TRPM3: variants seen among roughly 807,000 people sequenced by gnomAD.
TRPM3 encodes the protein long transient receptor potential channel 3.
Under a neutral mutation model 181.2 loss-of-function variants are expected in TRPM3, and 77 were observed. The observed-to-expected ratio is 0.42, with a 90% CI of 0.35 to 0.51. TRPM3 has a LOEUF of 0.51. Among genes scored for constraint, TRPM3 ranks in the 20% least tolerant of loss-of-function variants. The pLI, the probability that TRPM3 is intolerant of heterozygous loss-of-function variation, is 0.01. For missense variants in TRPM3, 1,759 were observed against 2,196.7 expected (o/e 0.80, Z 3.98); for synonymous variants, 745 against 796.4 (o/e 0.94, Z 1.09).
upstream of TRPM3, among the ~76,000 whole-genome samples, chr9:71,125,654 C>T (rs1322989611): frequency 2.0e-5 from 3 of 152,132 alleles, no homozygotes; most frequent in South Asian, 4.1e-4. Flanking sequence ...CTGCAATGAA[C>T]ATAGGTGTAC....
At chr9:70,763,133 G>A (rs554877495) in intron 7 of TRPM3, among the ~76,000 whole-genome samples, 1 of 152,126 alleles carries the variant, frequency 6.6e-6, no homozygotes, top group East Asian at 1.9e-4. Context: ...CTATACCAAC[G>A]ATCCTGGAAG....
chr9:71,443,918 TACC>T (rs1165690269), intron 1 of TRPM3, among the ~76,000 whole-genome samples: 1 of 152,136 alleles, frequency 6.6e-6, no homozygotes. Context: ...CGGTGGCTCA[TACC>T]TGTAATCCCA....
In TRPM3 at chr9:70,864,458, G is replaced by A. The variant is rs1414876899; in HGVS notation, c.231C>T (p.Ile77=). The A allele has an allele frequency of 6.8e-7, 1 of 1,478,882 alleles. No homozygotes were observed. The highest frequency in any genetic ancestry group is 2.5e-5 in the Admixed American group (1 of 39,808). The allele number at this position is 1,478,882 out of a possible 1,614,324, so 91.6% of individuals were successfully genotyped here. A position where few individuals can be genotyped will look rare whatever the true frequency, so the allele number is the denominator to read the frequency against. The change falls in exon 2 of 26, where the codon ATC becomes ATT. Residue 77 remains isoleucine, a synonymous_variant. Coordinates refer to ENST00000677713, the MANE Select transcript of TRPM3 (RefSeq NM_001366145.2). The part of the protein sequence containing the change: ...RAFYKRECVH[I]IPSTKDPHRC... ...TATGGGGGTCTTTGGTGCTGGGTATGATGTGGACACATTCTCTTTTATAAA... is the reference window on the plus strand; with the variant it reads ...TATGGGGGTCTTTGGTGCTGGGTATAATGTGGACACATTCTCTTTTATAAA...
At chr9:70,777,992 G>GACAC (rs71367226) in intron 7 of TRPM3, among the ~76,000 whole-genome samples, 44 of 135,284 alleles carry the variant, frequency 3.3e-4, no homozygotes, top group African/African-American at 7.4e-4. Context: ...AACAGACACA[G>GACAC]ACACACACAC....
chr9:71,073,970 G>T (rs2063112180), intron 1 of TRPM3, among the ~76,000 whole-genome samples: 1 of 152,088 alleles, frequency 6.6e-6, no homozygotes, highest in Non-Finnish European at 1.5e-5. Flanking sequence ...TTCATTGCTG[G>T]ATTTTTTTCT....
chr9:70,976,088 T>A (rs1314940306), intron 1 of TRPM3, among the ~76,000 whole-genome samples: 2 of 152,170 alleles, frequency 1.3e-5, no homozygotes, highest in Non-Finnish European at 2.9e-5. Flanking sequence ...AATCACTTAG[T>A]GCAAATGAGT....
chr9:71,358,777 T>C (rs909194900), intron 1 of TRPM3, among the ~76,000 whole-genome samples: 5 of 152,162 alleles, frequency 3.3e-5, no homozygotes, highest in Non-Finnish European at 7.3e-5. Context: ...AAGCACTTGA[T>C]CACGGTGAAG....
intron 1 of TRPM3, among the ~76,000 whole-genome samples, chr9:70,892,201 T>G (rs745971075): frequency 2.0e-4 from 30 of 152,314 alleles, no homozygotes; most frequent in South Asian, 6.2e-4. Context: ...AATTAATTAT[T>G]CATGGAGTAA....
At chr9:70,948,018 A>G (rs910432099) in intron 1 of TRPM3, among the ~76,000 whole-genome samples, 1 of 152,162 alleles carries the variant, frequency 6.6e-6, no homozygotes, top group African/African-American at 2.4e-5. Context: ...GTGCACAGGA[A>G]TACCACATAA....
intron 8 of TRPM3, among the ~76,000 whole-genome samples, chr9:70,748,462 T>C (rs1174929423): frequency 6.6e-6 from 1 of 152,136 alleles, no homozygotes; most frequent in Non-Finnish European, 1.5e-5. Context: ...TGTCAACTGG[T>C]GGATATGTGA....
intron 1 of TRPM3, among the ~76,000 whole-genome samples, chr9:71,375,430 A>G (rs966758422): frequency 6.6e-6 from 1 of 152,228 alleles, no homozygotes; most frequent in African/African-American, 2.4e-5. Context: ...CCTAGAAGAA[A>G]ATCGAGGCAA....
rs1248657816 is a variant in TRPM3 at position 70,619,105 on chromosome 9, A to G, written c.2130-10T>C. On this transcript the variant is annotated splice_polypyrimidine_tract_variant and intron_variant, in intron 16 of 25. Transcript: ENST00000677713. ...CAGCTGGCCAAAGTCTCTGAAAGACAGAATGGGTGGAAGAGTCCTTCAGGT... is the reference window on the plus strand; with the variant it reads ...CAGCTGGCCAAAGTCTCTGAAAGACGGAATGGGTGGAAGAGTCCTTCAGGT... The G allele has an allele frequency of 6.2e-7, 1 of 1,609,728 alleles. No homozygotes were observed. Among genetic ancestry groups the G allele is most frequent in the South Asian group, 1.1e-5 (1 of 90,300 alleles).
rs67870195 is a variant in TRPM3, at chr9:71,237,060, A to AGG, written c.183+209591_183+209592dup. 1.9e-4 allele frequency among the ~76,000 whole-genome samples: 27 copies of AGG among 138,980 alleles called. 1 individual carries two copies. Among genetic ancestry groups the AGG allele is most frequent in the African/African-American group, 6.6e-4 (24 of 36,168 alleles). The allele number at this position is 138,980 out of a possible 152,430, so 91.2% of individuals were successfully genotyped here. ...AGACTCCATCAAAAAAAAAAAAAAA[A>AGG]GGGGGGGGGAAAAAAAGAAAGGAAA... is the stretch of plus-strand genomic sequence containing the variant. On this transcript the variant is annotated intron_variant, in intron 1 of 24. Coordinates refer to the TRPM3 transcript ENST00000357533.
intron 9 of TRPM3, among the ~76,000 whole-genome samples, chr9:70,674,672 A>T (rs2063640058): frequency 6.7e-6 from 1 of 149,052 alleles, no homozygotes; most frequent in African/African-American, 2.5e-5. Flanking sequence ...CAATCCTCTC[A>T]CCTCAAACTC....
chr9:71,187,851 C>T (rs1377788260), intron 1 of TRPM3, among the ~76,000 whole-genome samples: 1 of 151,570 alleles, frequency 6.6e-6, no homozygotes, highest in Non-Finnish European at 1.5e-5. Context: ...TCTTCTGCAA[C>T]TCTCTGAACA....
intron 7 of TRPM3, among the ~76,000 whole-genome samples, chr9:70,777,383 C>T (rs2081563207): frequency 2.0e-5 from 3 of 152,000 alleles, no homozygotes; most frequent in Admixed American, 1.3e-4. Context: ...GCTTTCTTCC[C>T]TGAAGAAGAA....
intron 5 of TRPM3, among the ~76,000 whole-genome samples, chr9:70,839,032 T>C (rs928772056): frequency 6.6e-6 from 1 of 152,138 alleles, no homozygotes; most frequent in African/African-American, 2.4e-5. Flanking sequence ...CCTTCCACCT[T>C]GAGTTGCTAT....
intron 1 of TRPM3, among the ~76,000 whole-genome samples, chr9:70,961,040 G>A (rs998738106): frequency 2.0e-5 from 3 of 152,146 alleles, no homozygotes; most frequent in Admixed American, 6.5e-5. Flanking sequence ...CATGGCAAGA[G>A]GGATTTTGCA....
chr9:70,652,625 A>T (rs2059733276), intron 9 of TRPM3, among the ~76,000 whole-genome samples: 1 of 152,250 alleles, frequency 6.6e-6, no homozygotes, highest in Non-Finnish European at 1.5e-5. Flanking sequence ...AAATCTGTAC[A>T]GTGAGTATCT....
Sources: allele counts gnomAD v4.1 joint callset (sites outside exome capture counted in the v4.1 genomes callset), GRCh38; gene constraint gnomAD v4.1.1; transcripts MANE v1.5; gene names NCBI Gene and HGNC (gene_info 2026-07-23, HGNC 2026-07-21).